The following LRRTM4 variants were observed in gnomAD, a reference collection of about 807,000 sequenced individuals.
LRRTM4 encodes leucine rich repeat transmembrane neuronal 4.
A neutral mutation model predicts 47.6 loss-of-function variants in LRRTM4; 25 were observed. The observed-to-expected ratio is 0.53, with a 90% CI of 0.38 to 0.73. The LOEUF (loss-of-function observed/expected upper bound fraction) is 0.73. Among genes scored for constraint, LRRTM4 ranks in the 30% least tolerant of loss-of-function variants. LRRTM4 has a pLI of 0.00. For synonymous variants in LRRTM4, 311 were observed against 269.5 expected (o/e 1.15, Z -1.51); for missense variants, 638 against 713.4 (o/e 0.89, Z 1.20).
At chr2:77,269,030 A>G (rs1465945129) in intron 3 of LRRTM4, among the ~76,000 whole-genome samples, 1 of 152,112 alleles carries the variant, frequency 6.6e-6, no homozygotes, top group Non-Finnish European at 1.5e-5. Context: ...ACCTTTGCAC[A>G]CACTAATTTA....
intron 3 of LRRTM4, among the ~76,000 whole-genome samples, chr2:77,314,268 A>G (rs773900796): frequency 3.3e-5 from 5 of 152,204 alleles, no homozygotes; most frequent in African/African-American, 1.2e-4. Context: ...TTTGTTTTAT[A>G]TAATTTTGCT....
At chr2:76,989,735 A>T (rs1676937345) in intron 3 of LRRTM4, 1 of 151,786 alleles carries the variant, frequency 6.6e-6, no homozygotes, top group Non-Finnish European at 1.5e-5. Flanking sequence ...TATTATTACT[A>T]TTGTTTTGAT....
chr2:77,411,653 G>A (rs1269164605), intron 3 of LRRTM4, among the ~76,000 whole-genome samples: 49 of 74,218 alleles, frequency 6.6e-4, no homozygotes, highest in African/African-American at 3.7e-3. Context: ...TGTAATTTTA[G>A]TAGAGACGGG....
chr2:76,890,893 A>G (rs1397161466), intron 3 of LRRTM4, among the ~76,000 whole-genome samples: 2 of 151,924 alleles, frequency 1.3e-5, no homozygotes, highest in Non-Finnish European at 2.9e-5. Flanking sequence ...ATAAGGGTAC[A>G]GAGGCGTAAC....
Position 76,781,667 on chromosome 2 carries a change from G to C in LRRTM4, c.1552-32751C>G, listed in dbSNP as rs568771470. 1.8e-3 allele frequency among the ~76,000 whole-genome samples: 281 copies of C among 152,352 alleles called. 4 individuals carry two copies. In the South Asian group the frequency reaches 0.037, roughly 20 times the overall value. Reference sequence around the variant, plus strand: ...GCGCCCACTGTCTGGCACTCCCAATGAGATTAACCCGGTACCTCAGATGGA... The same window carrying C: ...GCGCCCACTGTCTGGCACTCCCAATCAGATTAACCCGGTACCTCAGATGGA... On this transcript the variant is annotated intron_variant, in intron 3 of 3. Transcript: ENST00000409884.
chr2:77,265,754 G>T (rs1434021619), intron 3 of LRRTM4, among the ~76,000 whole-genome samples: 1 of 151,994 alleles, frequency 6.6e-6, no homozygotes, highest in Non-Finnish European at 1.5e-5. Flanking sequence ...ATTGGAGGAA[G>T]TATATAAAAG....
chr2:77,468,051 T>G (rs376100064), intron 3 of LRRTM4, among the ~76,000 whole-genome samples: 1 of 152,146 alleles, frequency 6.6e-6, no homozygotes, highest in African/African-American at 2.4e-5. Context: ...TTCATTAGAT[T>G]TTTTTCTCCA....
At chr2:76,937,350 C>G (rs1674990933) in intron 3 of LRRTM4, among the ~76,000 whole-genome samples, 2 of 152,116 alleles carry the variant, frequency 1.3e-5, no homozygotes, top group African/African-American at 4.8e-5. Context: ...CTAGGAAGTT[C>G]TACTGGAAGG....
At chr2:77,216,476 C>T (rs1180458121) in intron 3 of LRRTM4, among the ~76,000 whole-genome samples, 1 of 151,592 alleles carries the variant, frequency 6.6e-6, no homozygotes. Flanking sequence ...ACCATCCTGG[C>T]CAATATGGTG....
chr2:77,306,823 C>A (rs1010797756), intron 3 of LRRTM4, among the ~76,000 whole-genome samples: 6 of 150,118 alleles, frequency 4.0e-5, no homozygotes, highest in African/African-American at 1.5e-4. Flanking sequence ...TGTTTGCAAT[C>A]ATTTAAAAGT....
intron 3 of LRRTM4, among the ~76,000 whole-genome samples, chr2:77,447,174 T>C (rs1049137399): frequency 6.6e-5 from 10 of 150,616 alleles, no homozygotes; most frequent in Admixed American, 6.7e-5. Flanking sequence ...TCCAATACTT[T>C]AAAAACTCCA....
At chr2:77,233,423 A>G (rs1675019087) in intron 3 of LRRTM4, among the ~76,000 whole-genome samples, 1 of 152,106 alleles carries the variant, frequency 6.6e-6, no homozygotes, top group Admixed American at 6.5e-5. Context: ...GAGATATAAC[A>G]TTTCTCAGTT....
chr2:76,822,631 A>G (rs1384485545), intron 3 of LRRTM4, among the ~76,000 whole-genome samples: 1 of 151,594 alleles, frequency 6.6e-6, no homozygotes. Context: ...AAAATACGCT[A>G]ACCAGAACTG....
intron 3 of LRRTM4, among the ~76,000 whole-genome samples, chr2:77,062,164 T>C (rs1057283746): frequency 3.3e-5 from 5 of 152,176 alleles, no homozygotes; most frequent in African/African-American, 1.2e-4. Flanking sequence ...GTGGCAGGCA[T>C]AACTTTCTGC....
At chr2:76,917,674 T>C (rs1040539790) in intron 3 of LRRTM4, among the ~76,000 whole-genome samples, 1 of 152,138 alleles carries the variant, frequency 6.6e-6, no homozygotes, top group Non-Finnish European at 1.5e-5. Flanking sequence ...GTTAAGATAA[T>C]GGAAGTACAG....
chr2:77,494,384 C>T (rs1678282217), intron 3 of LRRTM4, among the ~76,000 whole-genome samples: 2 of 152,110 alleles, frequency 1.3e-5, no homozygotes, highest in Admixed American at 6.6e-5. Context: ...GCATTGCTGT[C>T]GGTGGTTCTT....
intron 3 of LRRTM4, among the ~76,000 whole-genome samples, chr2:77,300,280 G>A (rs1054898071): frequency 6.6e-6 from 1 of 152,084 alleles, no homozygotes; most frequent in African/African-American, 2.4e-5. Flanking sequence ...TCTTTCATTA[G>A]AACTGCTATC....
At chr2:77,388,303 C>T (rs1026755276) in intron 3 of LRRTM4, among the ~76,000 whole-genome samples, 5 of 151,990 alleles carry the variant, frequency 3.3e-5, no homozygotes, top group African/African-American at 9.7e-5. Flanking sequence ...AAGGTCATAC[C>T]GTGCAGTTGG....
intron 3 of LRRTM4, among the ~76,000 whole-genome samples, chr2:77,485,100 A>C (rs1000135631): frequency 1.3e-5 from 2 of 152,080 alleles, no homozygotes; most frequent in African/African-American, 4.8e-5. Flanking sequence ...TTACATTTAA[A>C]GTTTATTTTG....
Sources: allele counts gnomAD v4.1 joint callset (sites outside exome capture counted in the v4.1 genomes callset), GRCh38; gene constraint gnomAD v4.1.1; transcripts MANE v1.5; gene names NCBI Gene and HGNC (gene_info 2026-07-23, HGNC 2026-07-21).